Variants in CEP135 observed in about 807,000 individuals in gnomAD.
CEP135 encodes centrosomal protein 135.
A neutral mutation model predicts 157.3 loss-of-function variants in CEP135; 142 were observed. That is an observed-to-expected ratio of 0.90 (90% CI 0.79 to 1.04). CEP135 has a LOEUF of 1.04. Ranked by LOEUF, CEP135 falls within the 50% of genes least tolerant of loss-of-function variation. CEP135 has a pLI of 0.00. For missense variants in CEP135, 1,317 were observed against 1,309.2 expected, an observed-to-expected ratio of 1.01 and a Z score of -0.09; for synonymous variants, 396 against 439.8, an observed-to-expected ratio of 0.90 and a Z score of 1.25.
chr4:55,992,028 A>T lies in CEP135; in HGVS notation c.1952A>T (p.Lys651Ile). ...AACAAATTAAAAGTCCAAGCTCAAA[A>T]ATTTAGCCATGTGGCTGGTGACTCA... is the stretch of plus-strand genomic sequence containing the variant. ...LENKLKVQAQ[K>I]FSHVAGDSSH... Residue 651 changes from lysine (K) to isoleucine (I), a missense_variant, in exon 15 of 26, where the codon AAA becomes ATA. Transcript: ENST00000257287. The T allele has an allele frequency of 6.2e-7, 1 of 1,611,038 alleles. No individual in the cohort carries two copies.
chr4:55,973,668 C>T (rs1729098753), intron 10 of CEP135, among the ~76,000 whole-genome samples: 1 of 152,120 alleles, frequency 6.6e-6, no homozygotes, highest in African/African-American at 2.4e-5. Flanking sequence ...TTACTCTCAC[C>T]CATTCCAATA....
intron 10 of CEP135, among the ~76,000 whole-genome samples, chr4:55,974,146 G>A (rs745442057): frequency 3.3e-5 from 5 of 152,230 alleles, no homozygotes; most frequent in Non-Finnish European, 7.4e-5. Context: ...CATATCTGTT[G>A]AATGAATGAA....
chr4:56,002,056 G>A (rs1237785885), intron 17 of CEP135, among the ~76,000 whole-genome samples: 1 of 152,002 alleles, frequency 6.6e-6, no homozygotes, highest in Non-Finnish European at 1.5e-5. Flanking sequence ...ATTGCTGGTG[G>A]AGTATAAAAA....
intron 24 of CEP135, among the ~76,000 whole-genome samples, chr4:56,021,818 G>A (rs573118406): frequency 6.6e-6 from 1 of 152,260 alleles, no homozygotes; most frequent in African/African-American, 2.4e-5. Context: ...TTGAGCCCAC[G>A]AGTTTGAAAT....
chr4:55,967,881 C>T (rs953393087), intron 8 of CEP135, among the ~76,000 whole-genome samples: 1 of 152,162 alleles, frequency 6.6e-6, no homozygotes, highest in Non-Finnish European at 1.5e-5. Flanking sequence ...GAAGGATTCC[C>T]ACTCTTGTCA....
Position 55,982,665 on chromosome 4 carries a change from G to A in CEP135, c.1779+1286G>A, listed in dbSNP as rs1040262400. 8.5e-5 allele frequency among the ~76,000 whole-genome samples: 13 copies of A among 152,238 alleles called. No individual in the cohort carries two copies. In the East Asian group the frequency reaches 2.3e-3, roughly 27 times the overall value. On this transcript the variant is annotated intron_variant, in intron 13 of 25. Coordinates refer to ENST00000257287, the MANE Select transcript of CEP135 (RefSeq NM_025009.5). ...GAGTTCTTTATATATTCTACATACA[G>A]CCCCTTATTAGATATGTGATTTGCA...
At chr4:56,017,150 T>C (rs1315957835) in intron 21 of CEP135, among the ~76,000 whole-genome samples, 13 of 152,176 alleles carry the variant, frequency 8.5e-5, no homozygotes. Context: ...TTATTTCAGT[T>C]ATTAAAATAT....
At chr4:56,030,832 C>T (rs944311310) in intron 25 of CEP135, among the ~76,000 whole-genome samples, 1 of 152,082 alleles carries the variant, frequency 6.6e-6, no homozygotes, top group South Asian at 2.1e-4. Flanking sequence ...AATAAGGAAA[C>T]AAAAATCACT....
chr4:55,949,808 G>A (rs1259313388), intron 1 of CEP135, among the ~76,000 whole-genome samples: 3 of 152,154 alleles, frequency 2.0e-5, no homozygotes, highest in African/African-American at 7.2e-5. Context: ...TTCATGGGTG[G>A]GGACGGCCTA....
chr4:55,985,404 A>G (rs1157835882), intron 14 of CEP135, 46 bp downstream of exon 14: 1 of 891,484 alleles, frequency 1.1e-6, no homozygotes, highest in African/African-American at 1.7e-5. Flanking sequence ...TATATGAATA[A>G]CTATGTCAAT....
In CEP135 at chr4:56,019,480, C is replaced by T; in HGVS notation, c.3140C>T (p.Ser1047Phe). The T allele has an allele frequency of 5.0e-6, 8 of 1,613,988 alleles. No homozygotes were observed. The highest frequency in any genetic ancestry group is 5.1e-6 in the Non-Finnish European group (6 of 1,179,948). ...LATNRDKEFH[S>F]HLTSHEKDTE... The stretch of plus-strand genomic sequence containing the variant: ...ACAAACAGAGATAAAGAATTTCATT[C>T]TCACTTAACCTCCCACGAGAAGGAT... The change falls in exon 23 of 26, where the codon TCT becomes TTT. Residue 1047 changes from serine to phenylalanine, a missense_variant. Coordinates refer to ENST00000257287, the MANE Select transcript of CEP135 (RefSeq NM_025009.5).
At chr4:55,971,921 C>T (rs565618519) in intron 10 of CEP135, among the ~76,000 whole-genome samples, 2 of 152,234 alleles carry the variant, frequency 1.3e-5, no homozygotes, top group Non-Finnish European at 2.9e-5. Context: ...GAGGCTGAAA[C>T]AGGCGGATCA....
chr4:56,006,128 AAGTTTTG>A (rs1266628966), intron 17 of CEP135, among the ~76,000 whole-genome samples: 2 of 152,104 alleles, frequency 1.3e-5, no homozygotes, highest in African/African-American at 2.4e-5. Context: ...TATCTTTCTC[AAGTTTTG>A]GAAAGTGTTC....
chr4:55,956,016 A>G (rs1728492132), intron 4 of CEP135, among the ~76,000 whole-genome samples: 1 of 152,110 alleles, frequency 6.6e-6, no homozygotes, highest in Non-Finnish European at 1.5e-5. Context: ...GATGTGAGGG[A>G]AATTGGTATT....
chr4:55,999,686 A>G, intron 17 of CEP135, 41 bp downstream of exon 17: 1 of 1,564,218 alleles, frequency 6.4e-7, no homozygotes, highest in Non-Finnish European at 8.6e-7. Flanking sequence ...ATCCAAACAG[A>G]ACAGTTTTTT....
intron 24 of CEP135, among the ~76,000 whole-genome samples, chr4:56,021,694 G>T (rs370075920): frequency 3.3e-5 from 5 of 152,240 alleles, no homozygotes; most frequent in African/African-American, 1.2e-4. Flanking sequence ...TGTGCTATTT[G>T]AAGTATAGTG....
chr4:55,958,027 CATTTCA>C (rs1728558120), intron 5 of CEP135, among the ~76,000 whole-genome samples: 1 of 152,192 alleles, frequency 6.6e-6, no homozygotes, highest in Admixed American at 6.5e-5. Context: ...GCTGGAGAAG[CATTTCA>C]AACTGTAGAA....
intron 25 of CEP135, among the ~76,000 whole-genome samples, chr4:56,030,117 A>G (rs1205041561): frequency 6.6e-6 from 1 of 152,178 alleles, no homozygotes; most frequent in African/African-American, 2.4e-5. Flanking sequence ...GATCATCAAT[A>G]TCACTGTCTC....
intron 6 of CEP135, among the ~76,000 whole-genome samples, chr4:55,962,380 G>A (rs557962399): frequency 6.6e-5 from 10 of 152,208 alleles, no homozygotes; most frequent in South Asian, 4.2e-4. Context: ...AATTACAGGC[G>A]TGAGCCACTA....
Sources: gnomAD v4.1 joint callset for allele counts (sites outside exome capture counted in the v4.1 genomes callset) on GRCh38, gnomAD v4.1.1 for gene constraint, MANE v1.5 for transcripts, NCBI Gene and HGNC (gene_info 2026-07-23, HGNC 2026-07-21) for gene names.